The following CDH3 variants were observed in gnomAD, a reference collection of about 807,000 sequenced individuals.
CDH3 encodes the protein cadherin 3.
Under a neutral mutation model 82.0 loss-of-function variants are expected in CDH3, and 54 were observed. The ratio of observed to expected loss-of-function variants is 0.66; its 90% CI spans 0.53 to 0.83. The LOEUF is 0.83. CDH3 is among the 40% of genes least tolerant of loss of function. CDH3 has a pLI of 0.00. For missense variants in CDH3, 1,054 were observed against 1,084.6 expected (o/e 0.97, Z 0.40); for synonymous variants, 446 against 437.9 (o/e 1.02, Z -0.23).
At chr16:68,677,466 G>C (rs973464950) in intron 3 of CDH3, among the ~76,000 whole-genome samples, 1 of 152,206 alleles carries the variant, frequency 6.6e-6, no homozygotes, top group East Asian at 1.9e-4. Context: ...GGCCGAATGC[G>C]GTGGCTCACG....
intron 7 of CDH3, among the ~76,000 whole-genome samples, chr16:68,680,403 G>A (rs771137843): frequency 1.3e-5 from 2 of 152,198 alleles, no homozygotes; most frequent in African/African-American, 4.8e-5. Flanking sequence ...CTGAGGCCAG[G>A]CACAGTGGCT....
intron 2 of CDH3, among the ~76,000 whole-genome samples, chr16:68,672,195 A>AG (rs1960900931): frequency 9.4e-6 from 1 of 106,150 alleles, no homozygotes; most frequent in Non-Finnish European, 2.1e-5. Context: ...CGTCTCAAAA[A>AG]AAAAAAAAAT....
intron 12 of CDH3, among the ~76,000 whole-genome samples, chr16:68,690,056 T>C (rs1427644677): frequency 6.6e-6 from 1 of 152,174 alleles, no homozygotes; most frequent in Non-Finnish European, 1.5e-5. Context: ...CCCACACACA[T>C]AGCCCCTTCT....
downstream of CDH3, among the ~76,000 whole-genome samples, chr16:68,730,568 T>A (rs1026637570): frequency 2.6e-5 from 4 of 152,142 alleles, no homozygotes; most frequent in Admixed American, 2.6e-4. Context: ...TTAAAAGACA[T>A]TTTTTAAAAT....
chr16:68,693,107 A>AAAAAC (rs1961619658), intron 13 of CDH3, among the ~76,000 whole-genome samples: 3 of 152,218 alleles, frequency 2.0e-5, no homozygotes, highest in Non-Finnish European at 4.4e-5. Flanking sequence ...CTGTCTTTAG[A>AAAAAC]AAAACAAAAC....
At chr16:68,673,866 G>A (rs768796487) in intron 2 of CDH3, among the ~76,000 whole-genome samples, 24 of 151,974 alleles carry the variant, frequency 1.6e-4, no homozygotes, top group African/African-American at 4.6e-4. Context: ...TGGAGGTTGC[G>A]GTGAGCCACT....
At chr16:68,645,601 A>G (rs1482514745) in intron 1 of CDH3, 35 bp from the exon 2 acceptor site, 2 of 1,514,100 alleles carry the variant, frequency 1.3e-6, no homozygotes, top group Non-Finnish European at 1.8e-6. Flanking sequence ...GCACGCCTGG[A>G]CCCAGCCTCC....
intron 13 of CDH3, among the ~76,000 whole-genome samples, chr16:68,694,291 C>G (rs1391152039): frequency 8.1e-6 from 1 of 123,228 alleles, no homozygotes; most frequent in Admixed American, 9.9e-5. Context: ...CCAGTCTGGG[C>G]AACAGAGCGA....
At chr16:68,679,053 G>T (rs912510545) in intron 6 of CDH3, 147 bp downstream of exon 6, 7 of 810,906 alleles carry the variant, frequency 8.6e-6, no homozygotes, top group Middle Eastern at 3.1e-4. Flanking sequence ...CCATCCCAAG[G>T]TTCCTGAATA....
At chr16:68,678,037 C>G (rs964907357) in intron 3 of CDH3, 97 bp from the exon 4 acceptor site, 25 of 1,167,256 alleles carry the variant, frequency 2.1e-5, no homozygotes, top group Non-Finnish European at 3.0e-5. Flanking sequence ...GCGTGAGCTA[C>G]CATGCCCAGC....
rs374865506 is a variant in CDH3, at chr16:68,676,451, G to A, written c.227G>A (p.Arg76Gln). The A allele has an allele frequency of 2.2e-5, 35 of 1,613,354 alleles. No homozygotes were observed. Among genetic ancestry groups the A allele is most frequent in the East Asian group, 2.0e-4 (9 of 44,872 alleles). The change falls in exon 3 of 16, where the codon CGG becomes CAG. Residue 76 changes from arginine to glutamine, a missense_variant. Coordinates refer to ENST00000264012, the MANE Select transcript of CDH3 (RefSeq NM_001793.6). ...ACTGATAATGATGACTTCACTGTGCGGAATGGCGAGACAGTCCAGGTAAAA... is the reference window on the plus strand; with the variant it reads ...ACTGATAATGATGACTTCACTGTGCAGAATGGCGAGACAGTCCAGGTAAAA... ...FSTDNDDFTV[R>Q]NGETVQERRS...
chr16:68,703,647 A>G (rs552262096), downstream of CDH3, among the ~76,000 whole-genome samples: 1 of 152,316 alleles, frequency 6.6e-6, no homozygotes, highest in South Asian at 2.1e-4. Context: ...CCGTTTTCTC[A>G]TCTAAAATGG....
intron 12 of CDH3, 103 bp from the exon 13 acceptor site, chr16:68,691,617 C>T (rs952502105): frequency 2.3e-6 from 2 of 877,396 alleles, no homozygotes; most frequent in Non-Finnish European, 3.8e-6. Flanking sequence ...TATTTCTCTG[C>T]ATTGCCCACA....
At chr16:68,705,421 G>T (rs1276111020) in intron 1 of CDH3, among the ~76,000 whole-genome samples, 1 of 151,760 alleles carries the variant, frequency 6.6e-6, no homozygotes, top group Non-Finnish European at 1.5e-5. Flanking sequence ...TTCTGTGCAA[G>T]ACACTGGTTT....
At chr16:68,647,405 C>T (rs915331231) in intron 2 of CDH3, among the ~76,000 whole-genome samples, 1 of 152,156 alleles carries the variant, frequency 6.6e-6, no homozygotes, top group Non-Finnish European at 1.5e-5. Context: ...TGGGGGGAAG[C>T]AGTGATCAGG....
intron 1 of CDH3, among the ~76,000 whole-genome samples, chr16:68,705,428 G>T (rs7498786): frequency 0.85 from 129,390 of 151,418 alleles, 55,429 homozygotes; most frequent in Non-Finnish European, 0.88. Context: ...CAAGACACTG[G>T]TTTTTTTTTG....
At chr16:68,666,769 C>A (rs960856746) in intron 2 of CDH3, among the ~76,000 whole-genome samples, 2 of 151,994 alleles carry the variant, frequency 1.3e-5, no homozygotes, top group Admixed American at 1.3e-4. Context: ...TGCTTTTTTC[C>A]CCCCTCTGCA....
chr16:68,656,135 T>G (rs1597792784), intron 2 of CDH3, among the ~76,000 whole-genome samples: 1 of 152,028 alleles, frequency 6.6e-6, no homozygotes, highest in Non-Finnish European at 1.5e-5. Flanking sequence ...ATAGGCAGGG[T>G]CCAGCCCCGC....
At chr16:68,695,178 AG>A in intron 13 of CDH3, 76 bp from the exon 14 acceptor site, 1 of 1,492,818 alleles carries the variant, frequency 6.7e-7, no homozygotes, top group Non-Finnish European at 9.3e-7. Context: ...CTGCAGTTAG[AG>A]GGGCTCTGAG....
Sources: allele counts gnomAD v4.1 joint callset (sites outside exome capture counted in the v4.1 genomes callset), GRCh38; gene constraint gnomAD v4.1.1; transcripts MANE v1.5; gene names NCBI Gene and HGNC (gene_info 2026-07-23, HGNC 2026-07-21).